The following TACR3 variants were observed in gnomAD, a reference collection of about 807,000 sequenced individuals.
TACR3 encodes the protein tachykinin receptor 3.
In TACR3, 34 loss-of-function variants were observed where a neutral mutation model predicts 35.0. The ratio of observed to expected loss-of-function variants is 0.97; its 90% CI spans 0.74 to 1.30. TACR3 has a LOEUF of 1.30. Among genes scored for constraint, TACR3 ranks in the 50% most tolerant of loss-of-function variants. The probability of loss-of-function intolerance (pLI) is 0.00; values close to 1 mark genes in which losing one functional copy is unlikely to be tolerated. For missense variants in TACR3, 558 were observed against 591.7 expected, an observed-to-expected ratio of 0.94 and a Z score of 0.59; for synonymous variants, 233 against 221.1, an observed-to-expected ratio of 1.05 and a Z score of -0.48.
intron 1 of TACR3, among the ~76,000 whole-genome samples, chr4:103,712,811 A>G (rs78317838): frequency 0.12 from 17,757 of 152,214 alleles, 1,351 homozygotes; most frequent in East Asian, 0.37. Context: ...AAAAGTTGGC[A>G]AAGTATATGA....
At chr4:103,691,866 A>G (rs1372695479) in intron 1 of TACR3, among the ~76,000 whole-genome samples, 1 of 152,180 alleles carries the variant, frequency 6.6e-6, no homozygotes, top group Admixed American at 6.5e-5. Context: ...TTCGTTTCCC[A>G]TAAGGGACAG....
chr4:103,703,964 C>T (rs542404642), intron 1 of TACR3, among the ~76,000 whole-genome samples: 12 of 151,564 alleles, frequency 7.9e-5, no homozygotes, highest in East Asian at 3.9e-4. Flanking sequence ...TTTAGCAGGG[C>T]GTGGTAGCAG....
At chr4:103,686,901 C>T (rs561812033) in intron 1 of TACR3, among the ~76,000 whole-genome samples, 4 of 152,106 alleles carry the variant, frequency 2.6e-5, no homozygotes, top group Non-Finnish European at 5.9e-5. Context: ...TTTTATGAGG[C>T]CAGCATCATC....
intron 3 of TACR3, among the ~76,000 whole-genome samples, chr4:103,637,005 A>G (rs933533222): frequency 4.9e-4 from 74 of 152,284 alleles, no homozygotes; most frequent in African/African-American, 1.7e-3. Flanking sequence ...ATTCTACCAG[A>G]GGTACAAGGA....
chr4:103,719,676 C>T lies in TACR3; in HGVS notation c.-1G>A. On this transcript the variant is annotated 5_prime_UTR_variant, in exon 1 of 5. Coordinates refer to ENST00000304883, the MANE Select transcript of TACR3 (RefSeq NM_001059.3). ...TTTCTGCTGCTGGGAGAGTGGCCAT[C>T]GCCACCGGTCTGCAGTCCCGGACCC... is the stretch of plus-strand genomic sequence containing the variant. 4 of 1,608,694 alleles carry T rather than the reference C, an allele frequency of 2.5e-6. No homozygotes were observed. The highest frequency in any genetic ancestry group is 2.2e-5 in the South Asian group (2 of 91,086).
intron 1 of TACR3, among the ~76,000 whole-genome samples, chr4:103,708,219 A>T (rs1207625140): frequency 6.6e-6 from 1 of 152,124 alleles, no homozygotes; most frequent in Non-Finnish European, 1.5e-5. Flanking sequence ...TGGGTCCTTG[A>T]CCCCTGAGTA....
chr4:103,719,786 G>T lies in TACR3; in HGVS notation c.-111C>A, dbSNP rs371989130. On this transcript the variant is annotated 5_prime_UTR_variant, in exon 1 of 5. The change creates a new upstream start codon in the 5' untranslated region. Transcript: ENST00000304883. ...GGTCACTTTGGTGCCGGAGTCTTCA[G>T]ATAAGACTGGAAGCTGAAAGATACT... is the stretch of plus-strand genomic sequence containing the variant. 5.1e-6 allele frequency: 7 copies of T among 1,362,520 alleles called. 1 individual carries two copies. The highest frequency in any genetic ancestry group is 2.5e-5 in the East Asian group (1 of 40,340). The allele number at this position is 1,362,520 out of a possible 1,614,324, so 84.4% of individuals were successfully genotyped here. A position where few individuals can be genotyped will look rare whatever the true frequency, so the allele number is the denominator to read the frequency against.
intron 3 of TACR3, among the ~76,000 whole-genome samples, chr4:103,635,684 A>T (rs1057077332): frequency 1.3e-5 from 2 of 152,052 alleles, no homozygotes; most frequent in Admixed American, 1.3e-4. Flanking sequence ...AAATAAAATC[A>T]CTTGTGCACA....
At chr4:103,658,437 T>G (rs1725775763) in intron 1 of TACR3, 34 bp from the exon 2 acceptor site, 1 of 1,594,106 alleles carries the variant, frequency 6.3e-7, no homozygotes, top group Non-Finnish European at 8.6e-7. Flanking sequence ...TTTCATTGGT[T>G]TTCTTTATAA....
chr4:103,615,398 T>TGAGAGA lies in TACR3; in HGVS notation c.889-23721_889-23716dup, dbSNP rs111766715. Among the ~76,000 whole-genome samples, 810 of 117,208 alleles carry TGAGAGA rather than the reference T, an allele frequency of 6.9e-3. 4 individuals are homozygous for TGAGAGA. Among genetic ancestry groups the TGAGAGA allele is most frequent in the Non-Finnish European group, 0.012 (645 of 51,750 alleles). The allele number at this position is 117,208 out of a possible 152,430, so 76.9% of individuals were successfully genotyped here. On this transcript the variant is annotated intron_variant, in intron 3 of 4. Transcript: ENST00000304883. ...TATCGTGTGTGTGTGTGTGTGTGTG[T>TGAGAGA]GAGAGAGAGAGAGAGAGAGAGAGAG...
At chr4:103,659,136 A>G (rs1560825367) in intron 1 of TACR3, among the ~76,000 whole-genome samples, 1 of 152,134 alleles carries the variant, frequency 6.6e-6, no homozygotes, top group Non-Finnish European at 1.5e-5. Context: ...GGCAGTAAAA[A>G]CAGATGAAGC....
chr4:103,631,094 G>GCT (rs1725050494), intron 3 of TACR3, among the ~76,000 whole-genome samples: 2 of 152,046 alleles, frequency 1.3e-5, no homozygotes, highest in Non-Finnish European at 2.9e-5. Flanking sequence ...ACCAAACACG[G>GCT]CATGTTCTCA....
chr4:103,604,673 G>A (rs1310170092), intron 3 of TACR3, among the ~76,000 whole-genome samples: 1 of 151,628 alleles, frequency 6.6e-6, no homozygotes, highest in African/African-American at 2.4e-5. Flanking sequence ...AATCTACAAA[G>A]AATTTAAACA....
At chr4:103,703,517 T>C (rs1416835305) in intron 1 of TACR3, among the ~76,000 whole-genome samples, 1 of 152,176 alleles carries the variant, frequency 6.6e-6, no homozygotes, top group African/African-American at 2.4e-5. Flanking sequence ...GTTAAATCCA[T>C]GGTCTAAAAA....
At chr4:103,685,376 A>G (rs1246869123) in intron 1 of TACR3, among the ~76,000 whole-genome samples, 1 of 152,222 alleles carries the variant, frequency 6.6e-6, no homozygotes, top group African/African-American at 2.4e-5. Flanking sequence ...TGTATCATAC[A>G]TCTAAAAGTA....
Position 103,684,132 on chromosome 4 carries a change from C to T in TACR3, c.549-25729G>A, listed in dbSNP as rs561449572. On this transcript the variant is annotated intron_variant, in intron 1 of 4. Coordinates refer to ENST00000304883, the MANE Select transcript of TACR3 (RefSeq NM_001059.3). ...CTAAAACTAACATTCTGTTGAAAGA[C>T]AAAAAAACTGTATATTTTTGCTGTG... Among the ~76,000 whole-genome samples, 32 of 151,824 alleles carry T rather than the reference C, an allele frequency of 2.1e-4. No homozygotes were observed. In the East Asian group the frequency reaches 6.2e-3, roughly 30 times the overall value.
intron 3 of TACR3, among the ~76,000 whole-genome samples, chr4:103,649,796 C>T (rs546492632): frequency 7.2e-5 from 11 of 152,136 alleles, no homozygotes; most frequent in South Asian, 6.2e-4. Flanking sequence ...TGGAATTCTC[C>T]GTCTGAAAGG....
chr4:103,659,652 C>A (rs79246187), intron 1 of TACR3, among the ~76,000 whole-genome samples: 1 of 151,954 alleles, frequency 6.6e-6, no homozygotes, highest in Admixed American at 6.6e-5. Context: ...ACTGTTGTAA[C>A]GGAAAAATAT....
chr4:103,696,768 G>T (rs1355766226), intron 1 of TACR3, among the ~76,000 whole-genome samples: 1 of 152,098 alleles, frequency 6.6e-6, no homozygotes, highest in Non-Finnish European at 1.5e-5. Context: ...AAGAGTAAAA[G>T]TATCAACATT....
Sources: gnomAD v4.1 joint callset for allele counts (sites outside exome capture counted in the v4.1 genomes callset) on GRCh38, gnomAD v4.1.1 for gene constraint, MANE v1.5 for transcripts, NCBI Gene and HGNC (gene_info 2026-07-23, HGNC 2026-07-21) for gene names.